Variants in PLXDC1 observed in about 807,000 individuals in gnomAD.
The protein encoded by PLXDC1 is plexin domain containing 1.
Under a neutral mutation model 61.3 loss-of-function variants are expected in PLXDC1, and 39 were observed. The ratio of observed to expected loss-of-function variants is 0.64; its 90% CI spans 0.49 to 0.83. The LOEUF is 0.83. Among genes scored for constraint, PLXDC1 ranks in the 40% least tolerant of loss-of-function variants. PLXDC1 has a pLI of 0.00. For missense variants in PLXDC1, 596 were observed against 666.5 expected (o/e 0.89, Z 1.17); for synonymous variants, 212 against 254.5 (o/e 0.83, Z 1.59).
Position 39,067,790 on chromosome 17 carries a change from A to C in PLXDC1, c.*50T>G. The C allele has an allele frequency of 6.4e-7, 1 of 1,563,694 alleles. No homozygotes were observed. Among genetic ancestry groups the C allele is most frequent in the Non-Finnish European group, 8.7e-7 (1 of 1,145,354 alleles). ...AAAAGTCACTTCTCTTCTTTGCTTT[A>C]ACTGTCTTTTCTGTGGCCTCAAAGT... On this transcript the variant is annotated 3_prime_UTR_variant, in exon 14 of 14. Coordinates refer to ENST00000315392, the MANE Select transcript of PLXDC1 (RefSeq NM_020405.5).
At chr17:39,141,215 A>C (rs1911924688) in intron 1 of PLXDC1, among the ~76,000 whole-genome samples, 1 of 152,126 alleles carries the variant, frequency 6.6e-6, no homozygotes, top group African/African-American at 2.4e-5. Flanking sequence ...CTTTTTATAG[A>C]GACAGGGTCT....
rs190102561 is a variant in PLXDC1 at position 39,075,361 on chromosome 17, C to G, written c.1186+2552G>C. On this transcript the variant is annotated intron_variant, in intron 11 of 13. Transcript: ENST00000315392. ...GCAACTTCAGAGTAATGGGAGCTGT[C>G]GGAATCTGCCTCACTTTTTCACACT... Among the ~76,000 whole-genome samples, 138 of 152,300 alleles carry G rather than the reference C, an allele frequency of 9.1e-4. 2 individuals carry two copies. The highest frequency in any genetic ancestry group is 3.2e-3 in the African/African-American group (135 of 41,566).
At chr17:39,107,965 CCTAT>C (rs895039713) in intron 5 of PLXDC1, 154 bp downstream of exon 5, 4 of 869,468 alleles carry the variant, frequency 4.6e-6, no homozygotes, top group Non-Finnish European at 7.3e-6. Context: ...CATTTTTGCC[CCTAT>C]CTGACAGGTC....
Position 39,066,574 on chromosome 17 carries a change from C to T in PLXDC1, c.*1266G>A, listed in dbSNP as rs1908904977. The stretch of plus-strand genomic sequence containing the variant: ...GGGGCTAAAATGCCAACTCTATAGC[C>T]ATGAGGATCTGCTTTCTTTTTTTTT... On this transcript the variant is annotated 3_prime_UTR_variant, in exon 14 of 14. Coordinates refer to ENST00000315392, the MANE Select transcript of PLXDC1 (RefSeq NM_020405.5). The T allele has an allele frequency of 6.6e-6, 1 of 152,344 alleles. No individual in the cohort carries two copies. The highest frequency in any genetic ancestry group is 2.4e-5 in the African/African-American group (1 of 41,402). 9.4% of individuals were successfully genotyped at this position (152,344 alleles called of 1,614,324 possible).
intron 5 of PLXDC1, chr17:39,107,914 C>G: frequency 1.6e-6 from 1 of 620,892 alleles, no homozygotes; most frequent in Middle Eastern, 4.2e-4. Context: ...GAGCCAAGCA[C>G]TGTCGTTTTG....
intron 3 of PLXDC1, 81 bp from the exon 4 acceptor site, chr17:39,109,054 G>T: frequency 7.7e-7 from 1 of 1,306,476 alleles, no homozygotes; most frequent in Non-Finnish European, 1.1e-6. Flanking sequence ...ATGCTTGTTT[G>T]GACAGAGTGG....
chr17:39,076,444 C>T (rs576407903), intron 11 of PLXDC1, among the ~76,000 whole-genome samples: 30 of 146,490 alleles, frequency 2.0e-4, no homozygotes, highest in Admixed American at 6.9e-4. Flanking sequence ...CCAGGAGTTG[C>T]GGGCTGTGGT....
chr17:39,097,599 C>G (rs1013134123), intron 7 of PLXDC1, among the ~76,000 whole-genome samples: 7 of 152,074 alleles, frequency 4.6e-5, no homozygotes, highest in Admixed American at 2.6e-4. Flanking sequence ...ACTCCACATA[C>G]AGGCCTTACA....
chr17:39,105,760 A>C (rs1598198871), intron 7 of PLXDC1, 94 bp downstream of exon 7: 1 of 725,962 alleles, frequency 1.4e-6, no homozygotes. Flanking sequence ...CCCCTTGTCT[A>C]CTCCCTGCCA....
intron 2 of PLXDC1, among the ~76,000 whole-genome samples, chr17:39,124,592 C>G (rs1170794860): frequency 6.6e-6 from 1 of 152,090 alleles, no homozygotes; most frequent in Non-Finnish European, 1.5e-5. Context: ...GACCCTATCT[C>G]AAAAAAGTTT....
Position 39,107,636 on chromosome 17 carries a change from T to C in PLXDC1, c.593-111A>G, listed in dbSNP as rs1910644733. ...CACAGGTTGGGTCCCTTCGGGATGA[T>C]GGGGAAGTTTGCAAAGGTAAGGAGG... On this transcript the variant is annotated intron_variant, in intron 5 of 13. Transcript: ENST00000315392. 3.7e-6 allele frequency: 3 copies of C among 805,210 alleles called. No individual in the cohort carries two copies. The South Asian group carries it at 4.2e-5, about 11-fold the overall frequency. 49.9% of individuals were successfully genotyped at this position (805,210 alleles called of 1,614,324 possible).
upstream of PLXDC1, chr17:39,152,632 T>G (rs2045381618): frequency 8.0e-7 from 1 of 1,245,108 alleles, no homozygotes; most frequent in Non-Finnish European, 1.0e-6. Context: ...GGCTGGGGCC[T>G]AGGGACTAGA....
chr17:39,107,082 A>G (rs1157446657), intron 6 of PLXDC1, among the ~76,000 whole-genome samples: 1 of 152,064 alleles, frequency 6.6e-6, no homozygotes, highest in East Asian at 1.9e-4. Context: ...ACTCGTATTT[A>G]TCCTTCAGAT....
At chr17:39,100,895 G>A (rs1349987155) in intron 7 of PLXDC1, among the ~76,000 whole-genome samples, 5 of 152,230 alleles carry the variant, frequency 3.3e-5, no homozygotes, top group Admixed American at 1.3e-4. Context: ...TGGGAGGTAC[G>A]AGGGGGCTCA....
chr17:39,102,705 T>TACACACACAC lies in PLXDC1; in HGVS notation c.811+3139_811+3148dup, dbSNP rs553513409. Among the ~76,000 whole-genome samples the TACACACACAC allele has an allele frequency of 3.1e-3, 419 of 136,132 alleles. 3 individuals are homozygous for TACACACACAC. Among genetic ancestry groups the TACACACACAC allele is most frequent in the African/African-American group, 4.3e-3 (153 of 35,308 alleles). The allele number at this position is 136,132 out of a possible 152,430, so 89.3% of individuals were successfully genotyped here. ...AACACTGACATCGTATGCTATCAAA[T>TACACACACAC]ACACACACACACACACACACACACA... is the stretch of plus-strand genomic sequence containing the variant. On this transcript the variant is annotated intron_variant, in intron 7 of 13. Coordinates refer to ENST00000315392, the MANE Select transcript of PLXDC1 (RefSeq NM_020405.5).
chr17:39,071,491 G>T (rs921435999), intron 12 of PLXDC1, among the ~76,000 whole-genome samples: 26 of 152,170 alleles, frequency 1.7e-4, no homozygotes, highest in Admixed American at 1.7e-3. Context: ...AGGACACCCA[G>T]GAGAGAAACT....
chr17:39,096,266 T>C (rs940817328), intron 7 of PLXDC1, among the ~76,000 whole-genome samples: 2 of 151,876 alleles, frequency 1.3e-5, no homozygotes, highest in Middle Eastern at 3.2e-3. Context: ...TCCCTCAGCA[T>C]TGAAGCAAAG....
At chr17:39,108,442 C>T in intron 4 of PLXDC1, 197 bp from the exon 5 acceptor site, 2 of 601,722 alleles carry the variant, frequency 3.3e-6, no homozygotes, top group Non-Finnish European at 3.0e-6. Flanking sequence ...AGAAGGTCCT[C>T]CCTGTCCCTT....
chr17:39,129,652 AGAG>A (rs1911473941), intron 2 of PLXDC1, among the ~76,000 whole-genome samples: 1 of 117,442 alleles, frequency 8.5e-6, no homozygotes, highest in Non-Finnish European at 1.8e-5. Flanking sequence ...AGAGAGAGAG[AGAG>A]AGAAAGAAAG....
Sources: gnomAD v4.1 joint callset for allele counts (sites outside exome capture counted in the v4.1 genomes callset) on GRCh38, gnomAD v4.1.1 for gene constraint, MANE v1.5 for transcripts, NCBI Gene and HGNC (gene_info 2026-07-23, HGNC 2026-07-21) for gene names.